KCNT2: variants seen among roughly 807,000 people sequenced by gnomAD.
The protein encoded by KCNT2 is potassium channel subfamily T member 2.
A neutral mutation model predicts 153.8 loss-of-function variants in KCNT2; 67 were observed. The ratio of observed to expected loss-of-function variants is 0.44; its 90% confidence interval spans 0.36 to 0.53. The LOEUF is 0.53. Ranked by LOEUF, KCNT2 falls within the 20% of genes least tolerant of loss-of-function variation. The pLI is 0.00. For synonymous variants in KCNT2, 500 were observed against 458.8 expected (o/e 1.09, Z -1.15); for missense variants, 975 against 1,354.8 (o/e 0.72, Z 4.40).
intron 21 of KCNT2, among the ~76,000 whole-genome samples, chr1:196,314,861 T>G (rs1053660745): frequency 2.6e-5 from 4 of 151,716 alleles, no homozygotes; most frequent in East Asian, 1.9e-4. Context: ...CTAATATTTA[T>G]TAAGTAATTA....
In KCNT2 at chr1:196,340,542, T is replaced by G. The variant is rs373639174; in HGVS notation, c.1582A>C (p.Arg528=). The G allele has an allele frequency of 1.2e-4, 190 of 1,588,980 alleles. No individual in the cohort carries two copies. The highest frequency in any genetic ancestry group is 1.8e-4 in the Admixed American group (10 of 55,734). ...KFGVCLIGVR[R]EDNKNILLNP... is the part of the protein sequence containing the mutation. ...AGCAAAATGTTTTTATTATCCTCCC[T>G]CCTAACACCAATCAAGCAGACGCCA... Residue 528 remains arginine (R), a synonymous_variant, in exon 16 of 28, where the codon AGG becomes CGG. Transcript: ENST00000294725.
chr1:196,330,243 G>C (rs1001372015), intron 18 of KCNT2, among the ~76,000 whole-genome samples: 8 of 151,414 alleles, frequency 5.3e-5, no homozygotes, highest in Non-Finnish European at 1.2e-4. Flanking sequence ...AAAAATAATA[G>C]CAAGAATATA....
intron 13 of KCNT2, among the ~76,000 whole-genome samples, chr1:196,388,686 A>G (rs1461893684): frequency 2.0e-5 from 3 of 151,706 alleles, no homozygotes; most frequent in African/African-American, 4.8e-5. Context: ...AAATTCCTAA[A>G]TTATCTTTAC....
chr1:196,469,094 G>T, intron 5 of KCNT2, 26 bp from the exon 6 acceptor site: 3 of 1,422,142 alleles, frequency 2.1e-6, no homozygotes, highest in Non-Finnish European at 2.0e-6. Context: ...GAATAAAAAC[G>T]AAAGTCAATT....
chr1:196,385,020 T>C (rs1558225514), intron 13 of KCNT2, among the ~76,000 whole-genome samples: 1 of 151,978 alleles, frequency 6.6e-6, no homozygotes, highest in Non-Finnish European at 1.5e-5. Context: ...AACTAACATA[T>C]AAAAAAGATT....
At chr1:196,331,285 C>A (rs201437614) in intron 17 of KCNT2, 24 bp from the exon 18 acceptor site, 3 of 1,224,828 alleles carry the variant, frequency 2.4e-6, no homozygotes, top group Admixed American at 3.4e-5. Flanking sequence ...CAAAATATTA[C>A]CCTTGGATAA....
intron 22 of KCNT2, among the ~76,000 whole-genome samples, chr1:196,294,808 T>TATAC (rs1553274307): frequency 1.3e-5 from 2 of 151,404 alleles, no homozygotes; most frequent in African/African-American, 4.8e-5. Flanking sequence ...TATATATATA[T>TATAC]ACATAATGGA....
chr1:196,281,712 C>T (rs1316772720), intron 24 of KCNT2, among the ~76,000 whole-genome samples: 2 of 151,826 alleles, frequency 1.3e-5, no homozygotes, highest in East Asian at 3.9e-4. Flanking sequence ...AGTATAGTAT[C>T]CTACGGCAGT....
rs558003844 is a variant in KCNT2 at position 196,599,015 on chromosome 1, T to C, written c.95+9200A>G. Among the ~76,000 whole-genome samples the C allele has an allele frequency of 4.6e-5, 7 of 152,330 alleles. No homozygotes were observed. In the South Asian group the frequency reaches 1.4e-3, roughly 32 times the overall value. ...AGAAAGGTAAGAAATGGAAACAAAA[T>C]ACTGACAGCTTCCATCTATAATTTG... On this transcript the variant is annotated intron_variant, in intron 1 of 27. Coordinates refer to ENST00000294725, the MANE Select transcript of KCNT2 (RefSeq NM_198503.5).
chr1:196,481,996 C>T (rs1679058713), intron 4 of KCNT2, among the ~76,000 whole-genome samples: 1 of 152,064 alleles, frequency 6.6e-6, no homozygotes, highest in East Asian at 1.9e-4. Flanking sequence ...CAGTTATAGG[C>T]TTTGAGTAAC....
At chr1:196,491,500 T>C (rs1180897295) in intron 2 of KCNT2, among the ~76,000 whole-genome samples, 1 of 151,972 alleles carries the variant, frequency 6.6e-6, no homozygotes, top group Non-Finnish European at 1.5e-5. Context: ...CACCAACTAA[T>C]GCAGGCCTCT....
intron 14 of KCNT2, among the ~76,000 whole-genome samples, chr1:196,362,793 TG>T (rs1667740590): frequency 6.6e-6 from 1 of 152,122 alleles, no homozygotes; most frequent in African/African-American, 2.4e-5. Flanking sequence ...ATATTTCACA[TG>T]ATTAGAAAAT....
chr1:196,229,603 A>G (rs1204960326), intron 27 of KCNT2, among the ~76,000 whole-genome samples: 1 of 152,148 alleles, frequency 6.6e-6, no homozygotes, highest in Non-Finnish European at 1.5e-5. Flanking sequence ...TGAGGAAGGA[A>G]CATCAAAAGC....
chr1:196,422,886 T>C (rs1319717919), intron 12 of KCNT2, among the ~76,000 whole-genome samples, 164 bp downstream of exon 12: 1 of 151,980 alleles, frequency 6.6e-6, no homozygotes, highest in African/African-American at 2.4e-5. Context: ...CAATCAATGA[T>C]ACAACTGTTC....
chr1:196,329,905 G>GTGTT (rs1415238801), intron 18 of KCNT2, among the ~76,000 whole-genome samples: 1 of 136,284 alleles, frequency 7.3e-6, no homozygotes, highest in Non-Finnish European at 1.6e-5. Context: ...GTGTGTGTGT[G>GTGTT]TATTCATCTG....
chr1:196,495,854 A>G (rs1680210567), intron 1 of KCNT2, among the ~76,000 whole-genome samples: 1 of 152,240 alleles, frequency 6.6e-6, no homozygotes, highest in Admixed American at 6.5e-5. Flanking sequence ...GGTACCTTCT[A>G]TTGAAATATG....
intron 1 of KCNT2, among the ~76,000 whole-genome samples, chr1:196,558,130 T>C (rs1658918293): frequency 6.6e-6 from 1 of 151,394 alleles, no homozygotes; most frequent in African/African-American, 2.4e-5. Flanking sequence ...GAGTGAATTA[T>C]TGATTCTTAT....
chr1:196,383,231 G>A (rs559560422), intron 13 of KCNT2, among the ~76,000 whole-genome samples: 56 of 152,266 alleles, frequency 3.7e-4, no homozygotes, highest in Non-Finnish European at 6.5e-4. Flanking sequence ...AGAAAGAACA[G>A]GTCGTAACCC....
Position 196,282,335 on chromosome 1 carries a change from T to C in KCNT2, c.2719A>G (p.Ile907Val). ...CCCAACAGAAGTCTCGTGATAGAAATCATATAATCCTTCACAAATGACTGC... is the reference window on the plus strand; with the variant it reads ...CCCAACAGAAGTCTCGTGATAGAAACCATATAATCCTTCACAAATGACTGC... ...LYQSFVKDYM[I>V]SITRLLLGLD... The change falls in exon 24 of 28, where the codon ATT becomes GTT. Residue 907 changes from isoleucine to valine, a missense_variant. By Grantham distance (29) the Ile-to-Val change is conservative. Coordinates refer to ENST00000294725, the MANE Select transcript of KCNT2 (RefSeq NM_198503.5). 1 of 1,590,494 alleles carries C rather than the reference T, an allele frequency of 6.3e-7. No homozygotes were observed. Among genetic ancestry groups the C allele is most frequent in the Non-Finnish European group, 8.6e-7 (1 of 1,159,248 alleles).
Sources: allele counts gnomAD v4.1 joint callset (sites outside exome capture counted in the v4.1 genomes callset), GRCh38; gene constraint gnomAD v4.1.1; transcripts MANE v1.5; gene names NCBI Gene and HGNC (gene_info 2026-07-23, HGNC 2026-07-21).